Variants in ATXN1 observed in about 807,000 individuals in gnomAD.
The protein encoded by ATXN1 is ataxin-1.
ATXN1 carries 8 observed loss-of-function variants against 56.4 expected under a neutral mutation model. That is an observed-to-expected ratio of 0.14 (90% CI 0.08 to 0.26). The LOEUF is 0.26. ATXN1 is among the 10% of genes least tolerant of loss of function. The pLI is 1.00. For synonymous variants in ATXN1, 514 were observed against 494.6 expected, an observed-to-expected ratio of 1.04 and a Z score of -0.52; for missense variants, 987 against 1,106.5, an observed-to-expected ratio of 0.89 and a Z score of 1.53.
At chr6:16,592,946 C>T (rs758762087) in intron 3 of ATXN1, among the ~76,000 whole-genome samples, 8 of 152,070 alleles carry the variant, frequency 5.3e-5, no homozygotes, top group African/African-American at 9.7e-5. Context: ...CCTATCAGAA[C>T]GCCCTTTTCT....
intron 2 of ATXN1, among the ~76,000 whole-genome samples, chr6:16,724,241 T>C (rs1759802145): frequency 1.3e-5 from 2 of 152,062 alleles, no homozygotes; most frequent in Admixed American, 6.6e-5. Flanking sequence ...AGGAAAAATA[T>C]TACTGGCACC....
intron 6 of ATXN1, among the ~76,000 whole-genome samples, chr6:16,403,377 G>T (rs560016803): frequency 1.3e-5 from 2 of 152,292 alleles, no homozygotes; most frequent in South Asian, 4.1e-4. Context: ...TTAAGACAGG[G>T]TCTCACTTTG....
intron 6 of ATXN1, among the ~76,000 whole-genome samples, chr6:16,435,384 G>C (rs1018738816): frequency 6.6e-6 from 1 of 152,056 alleles, no homozygotes; most frequent in East Asian, 1.9e-4. Context: ...AAGTGGTCTA[G>C]AGACTAAGCC....
At chr6:16,586,709 CT>C (rs1762631960) in intron 3 of ATXN1, among the ~76,000 whole-genome samples, 1 of 152,184 alleles carries the variant, frequency 6.6e-6, no homozygotes. Flanking sequence ...TCTACCAACA[CT>C]TCTGTAGTTA....
At position 16,530,115 on chromosome 6, in the gene ATXN1, A is replaced by G. The variant is rs1461195290; in HGVS notation, c.-360-7427T>C. On this transcript the variant is annotated intron_variant, in intron 4 of 7. Coordinates refer to ENST00000436367, the MANE Select transcript of ATXN1 (RefSeq NM_001128164.2). ...TAGATATCTGTTCTTAAGGAATTAA[A>G]ACATATAAATATAAAAATAAGGAAA... Among the ~76,000 whole-genome samples the G allele has an allele frequency of 4.6e-5, 7 of 152,248 alleles. 1 individual carries two copies. The East Asian group carries it at 1.2e-3, about 25-fold the overall frequency.
At chr6:16,510,290 A>G (rs189757049) in intron 5 of ATXN1, among the ~76,000 whole-genome samples, 92 of 152,282 alleles carry the variant, frequency 6.0e-4, no homozygotes, top group African/African-American at 2.0e-3. Context: ...CTGCATTTTA[A>G]CAATATTCCC....
intron 4 of ATXN1, among the ~76,000 whole-genome samples, chr6:16,536,184 T>G (rs1365135713): frequency 1.3e-5 from 2 of 152,010 alleles, no homozygotes; most frequent in Admixed American, 1.3e-4. Flanking sequence ...ACCACTGCAC[T>G]CCAACCTGGG....
At chr6:16,544,637 AAG>A (rs1761779844) in intron 4 of ATXN1, among the ~76,000 whole-genome samples, 1 of 152,098 alleles carries the variant, frequency 6.6e-6, no homozygotes, top group Non-Finnish European at 1.5e-5. Flanking sequence ...ACTGGGATTC[AAG>A]TGAGGATGAA....
intron 6 of ATXN1, among the ~76,000 whole-genome samples, chr6:16,400,279 C>T (rs1290627662): frequency 6.6e-6 from 1 of 152,212 alleles, no homozygotes; most frequent in Non-Finnish European, 1.5e-5. Context: ...CTCTCCAACC[C>T]AGACTGTAAC....
chr6:16,642,343 C>T (rs955038857), intron 3 of ATXN1, among the ~76,000 whole-genome samples: 6 of 152,058 alleles, frequency 3.9e-5, no homozygotes, highest in Non-Finnish European at 8.8e-5. Flanking sequence ...TGCAGTGAGC[C>T]GAGATCGCGC....
At chr6:16,366,416 A>G (rs2113483157) in intron 6 of ATXN1, among the ~76,000 whole-genome samples, 1 of 152,300 alleles carries the variant, frequency 6.6e-6, no homozygotes, top group South Asian at 2.1e-4. Context: ...TTAGAATATA[A>G]CAAAAGGGCC....
intron 6 of ATXN1, among the ~76,000 whole-genome samples, chr6:16,337,120 T>G (rs1761140594): frequency 1.3e-5 from 2 of 152,158 alleles, no homozygotes; most frequent in South Asian, 4.1e-4. Flanking sequence ...TGGCACGTGG[T>G]TAAGTTGCTG....
chr6:16,682,541 T>G (rs886631520), intron 2 of ATXN1, among the ~76,000 whole-genome samples: 2 of 152,054 alleles, frequency 1.3e-5, no homozygotes, highest in Non-Finnish European at 2.9e-5. Flanking sequence ...TGTTTGAGGA[T>G]TTCCCATTCA....
intron 2 of ATXN1, among the ~76,000 whole-genome samples, chr6:16,699,798 A>G (rs1448916873): frequency 6.6e-6 from 1 of 152,236 alleles, no homozygotes; most frequent in Admixed American, 6.5e-5. Context: ...GTCCCTTAGA[A>G]GAAAAACATC....
At chr6:16,554,745 C>G (rs142009486) in intron 4 of ATXN1, among the ~76,000 whole-genome samples, 48 of 151,892 alleles carry the variant, frequency 3.2e-4, no homozygotes, top group Admixed American at 4.6e-4. Flanking sequence ...CATGCCACCA[C>G]GCCCGGCTAA....
chr6:16,573,662 C>A (rs949183058), intron 4 of ATXN1, among the ~76,000 whole-genome samples: 1 of 152,184 alleles, frequency 6.6e-6, no homozygotes, highest in African/African-American at 2.4e-5. Context: ...GCTCTGTTAT[C>A]CCCACAGCTG....
intron 1 of ATXN1, among the ~76,000 whole-genome samples, chr6:16,756,277 T>G (rs939335537): frequency 5.9e-5 from 9 of 152,120 alleles, no homozygotes; most frequent in African/African-American, 2.2e-4. Flanking sequence ...CAGCCAACAT[T>G]TAAAAAATTC....
chr6:16,534,817 T>G (rs1224038689), intron 4 of ATXN1, among the ~76,000 whole-genome samples: 1 of 152,264 alleles, frequency 6.6e-6, no homozygotes, highest in African/African-American at 2.4e-5. Flanking sequence ...TCATCTGGAA[T>G]AAACCTTCCT....
chr6:16,603,031 G>A (rs1309680367), intron 3 of ATXN1, among the ~76,000 whole-genome samples: 1 of 152,118 alleles, frequency 6.6e-6, no homozygotes, highest in African/African-American at 2.4e-5. Flanking sequence ...CTCTCAGAAG[G>A]AGCACCATAC....
Sources: allele counts gnomAD v4.1 joint callset (sites outside exome capture counted in the v4.1 genomes callset), GRCh38; gene constraint gnomAD v4.1.1; transcripts MANE v1.5; gene names NCBI Gene and HGNC (gene_info 2026-07-23, HGNC 2026-07-21).